The following ADSS2 variants were observed in gnomAD, a reference collection of about 807,000 sequenced individuals.
The protein encoded by ADSS2 is adenylosuccinate synthetase isozyme 2.
A neutral mutation model predicts 60.0 loss-of-function variants in ADSS2; 30 were observed. That is an observed-to-expected ratio of 0.50 (90% CI 0.37 to 0.68). The LOEUF is 0.68. ADSS2 is among the 30% of genes least tolerant of loss of function. ADSS2 has a pLI of 0.00. For missense variants in ADSS2, 373 were observed against 554.8 expected (o/e 0.67, Z 3.29); for synonymous variants, 187 against 193.1 (o/e 0.97, Z 0.26).
intron 12 of ADSS2, 48 bp downstream of exon 12, chr1:244,411,236 AAAG>A (rs1332944344): frequency 1.3e-6 from 2 of 1,551,994 alleles, no homozygotes; most frequent in African/African-American, 1.4e-5. Context: ...AAAAAAGAAA[AAAG>A]AGAGAGAGAG....
At chr1:244,432,756 C>T (rs558146780) in intron 3 of ADSS2, among the ~76,000 whole-genome samples, 161 bp from the exon 4 acceptor site, 1 of 147,140 alleles carries the variant, frequency 6.8e-6, no homozygotes, top group Non-Finnish European at 1.5e-5. Context: ...CTCCACCTCC[C>T]GGGTTCACTG....
intron 4 of ADSS2, chr1:244,424,668 G>T: frequency 1.1e-5 from 3 of 266,240 alleles, no homozygotes; most frequent in Non-Finnish European, 7.2e-6. Flanking sequence ...ATTTAACAAA[G>T]GTCAATTTAC....
intron 3 of ADSS2, among the ~76,000 whole-genome samples, chr1:244,435,435 A>G (rs1665072019): frequency 6.6e-6 from 1 of 152,120 alleles, no homozygotes; most frequent in Non-Finnish European, 1.5e-5. Context: ...TTTATGTTTC[A>G]TATACACCTT....
chr1:244,411,277 TTA>T lies in ADSS2; in HGVS notation c.1318+8_1318+9del. The T allele has an allele frequency of 6.3e-7, 1 of 1,598,876 alleles. No individual in the cohort carries two copies. Among genetic ancestry groups the T allele is most frequent in the South Asian group, 1.1e-5 (1 of 87,404 alleles). ...AAGAAAAAACTTATTCACAAAGTGT[TTA>T]TGTTTACCTGGAATTTGAAGCTCAT... is the stretch of plus-strand genomic sequence containing the variant. On this transcript the variant is annotated splice_region_variant and intron_variant, in intron 12 of 12. Coordinates refer to ENST00000366535, the MANE Select transcript of ADSS2 (RefSeq NM_001126.5).
chr1:244,416,659 T>C (rs1328129469), intron 10 of ADSS2, among the ~76,000 whole-genome samples: 1 of 152,206 alleles, frequency 6.6e-6, no homozygotes, highest in Non-Finnish European at 1.5e-5. Context: ...AACATGTATT[T>C]GTGGGAGGGC....
At chr1:244,419,062 A>C in intron 8 of ADSS2, 148 bp from the exon 9 acceptor site, 1 of 746,376 alleles carries the variant, frequency 1.3e-6, no homozygotes. Flanking sequence ...TCAGTGTTTT[A>C]CTTTTTATTC....
Position 244,436,849 on chromosome 1 carries a change from C to T in ADSS2, c.331G>A (p.Glu111Lys). 6.2e-7 allele frequency: 1 copy of T among 1,612,178 alleles called. No individual in the cohort carries two copies. Among genetic ancestry groups the T allele is most frequent in the Non-Finnish European group, 8.5e-7 (1 of 1,179,108 alleles). Reference protein sequence around the residue: ...IHLPGLFEEAEKNVQKGKGLE... With the variant: ...IHLPGLFEEAKKNVQKGKGLE... The stretch of plus-strand genomic sequence containing the variant: ...CCTTTTCCTTTTTGAACATTTTTCT[C>T]TGCTTCTTCAAACAATCCAGGTAGA... The change falls in exon 3 of 13, where the codon GAG becomes AAG. Residue 111 changes from glutamate (E) to lysine (K), a missense_variant. Glu to Lys is a moderately conservative substitution (Grantham distance 56, BLOSUM62 1). Coordinates refer to ENST00000366535, the MANE Select transcript of ADSS2 (RefSeq NM_001126.5).
At chr1:244,423,711 A>C (rs1664726726) in intron 6 of ADSS2, among the ~76,000 whole-genome samples, 1 of 152,222 alleles carries the variant, frequency 6.6e-6, no homozygotes, top group Admixed American at 6.5e-5. Context: ...ATTCTTAAAT[A>C]TAACTCTGGC....
intron 3 of ADSS2, among the ~76,000 whole-genome samples, chr1:244,434,772 A>G (rs192904170): frequency 5.3e-5 from 8 of 152,322 alleles, no homozygotes; most frequent in African/African-American, 1.7e-4. Flanking sequence ...TATAAAAATC[A>G]CAGACTAGGT....
At position 244,451,750 on chromosome 1, in the gene ADSS2, G is replaced by A. The variant is rs1306147096; in HGVS notation, c.68C>T (p.Ala23Val). The stretch of plus-strand genomic sequence containing the variant: ...CGTCACCCGGTTTCCTCCGGGCCGC[G>A]CCCTGGGGCGGCCGCAATCGCCGTT... Reference protein sequence around the residue: ...LPNGDCGRPRARPGGNRVTVV... With the variant: ...LPNGDCGRPRVRPGGNRVTVV... Residue 23 changes from alanine to valine, a missense_variant, in exon 1 of 13, where the codon GCG (alanine) becomes GTG (valine). By Grantham distance (64) the Ala-to-Val change is moderately conservative (BLOSUM62 0). Transcript: ENST00000366535. This position sits in a 1 kb window ranked among gnomAD's most constrained non-coding sequence, Gnocchi z 6.6. The A allele has an allele frequency of 1.2e-6, 2 of 1,602,342 alleles. No homozygotes were observed. The highest frequency in any genetic ancestry group is 1.3e-5 in the African/African-American group (1 of 74,550).
Position 244,424,616 on chromosome 1 carries a change from A to G in ADSS2, c.407-229T>C, listed in dbSNP as rs191529595. Reference sequence around the variant, plus strand: ...ATTGCAGTCTATACTATTTTAAAAAATAAGTCATTAAGAGGGTAATTTTGA... The same window carrying G: ...ATTGCAGTCTATACTATTTTAAAAAGTAAGTCATTAAGAGGGTAATTTTGA... On this transcript the variant is annotated intron_variant, in intron 4 of 12. Transcript: ENST00000366535. 32 of 337,756 alleles carry G rather than the reference A, an allele frequency of 9.5e-5. No individual in the cohort carries two copies. In the Admixed American group the frequency reaches 1.2e-3, roughly 13 times the overall value. 20.9% of individuals were successfully genotyped at this position (337,756 alleles called of 1,614,324 possible). A position where few individuals can be genotyped will look rare whatever the true frequency, so the allele number is the denominator to read the frequency against.
chr1:244,432,678 T>TTG (rs1664977684), intron 3 of ADSS2, 83 bp from the exon 4 acceptor site: 1 of 947,650 alleles, frequency 1.1e-6, no homozygotes, highest in Admixed American at 2.5e-5. Context: ...TTTTTTTTTT[T>TTG]TTTGAGACAG....
rs1451965791 is a variant in ADSS2, at chr1:244,411,228, A to C, written c.1318+59T>G. 7 of 1,538,290 alleles carry C rather than the reference A, an allele frequency of 4.6e-6. No homozygotes were observed. The African/African-American group carries it at 7.0e-5, about 15-fold the overall frequency. On this transcript the variant is annotated intron_variant, in intron 12 of 12. Coordinates refer to ENST00000366535, the MANE Select transcript of ADSS2 (RefSeq NM_001126.5). ...AGCGAGACTCCGTCTCAAAAAAAAA[A>C]AAAGAAAAAAGAGAGAGAGAGAAAA... is the stretch of plus-strand genomic sequence containing the variant.
intron 10 of ADSS2, 105 bp from the exon 11 acceptor site, chr1:244,416,183 G>T: frequency 1.3e-6 from 1 of 742,158 alleles, no homozygotes; most frequent in Non-Finnish European, 2.2e-6. Context: ...AAAGCTTAAA[G>T]TTCTAAAGCA....
intron 10 of ADSS2, 81 bp downstream of exon 10, chr1:244,417,547 T>C: frequency 6.6e-7 from 1 of 1,520,062 alleles, no homozygotes; most frequent in Non-Finnish European, 9.0e-7. Context: ...AATTTTCCTA[T>C]TAAGGTACTC....
intron 12 of ADSS2, 132 bp downstream of exon 12, chr1:244,411,154 GA>G: frequency 1.2e-6 from 1 of 840,766 alleles, no homozygotes; most frequent in South Asian, 1.8e-5. Flanking sequence ...CCAGGAGGCA[GA>G]GGTTGCAGTG....
chr1:244,422,704 A>G (rs1023404621), intron 7 of ADSS2, 131 bp downstream of exon 7: 2 of 664,142 alleles, frequency 3.0e-6, no homozygotes, highest in African/African-American at 1.8e-5. Flanking sequence ...AAGTCACTCA[A>G]ACATACCATG....
chr1:244,451,952 C>T, upstream of ADSS2: 1 of 917,418 alleles, frequency 1.1e-6, no homozygotes, highest in Non-Finnish European at 1.5e-6. The surrounding 1 kb of genome is among the most constrained non-coding windows in gnomAD (Gnocchi z 6.6). Flanking sequence ...CCCCGCCGGG[C>T]CGCCACCCTC....
chr1:244,434,558 G>A (rs1424029998), intron 3 of ADSS2, among the ~76,000 whole-genome samples: 1 of 152,098 alleles, frequency 6.6e-6, no homozygotes, highest in African/African-American at 2.4e-5. Flanking sequence ...TGTGCTAAAA[G>A]GTAAACCTGG....
Sources: gnomAD v4.1 joint callset for allele counts (sites outside exome capture counted in the v4.1 genomes callset) on GRCh38, gnomAD v4.1.1 for gene constraint, Gnocchi (gnomAD v3.1) non-coding constraint, MANE v1.5 for transcripts, NCBI Gene and HGNC (gene_info 2026-07-23, HGNC 2026-07-21) for gene names.